The following HEPHL1 variants were observed in gnomAD, a reference collection of about 807,000 sequenced individuals.
The protein encoded by HEPHL1 is hephaestin like 1, also known as ferroxidase HEPHL1.
A neutral mutation model predicts 122.0 loss-of-function variants in HEPHL1; 123 were observed. The ratio of observed to expected loss-of-function variants is 1.01; its 90% CI spans 0.87 to 1.17. HEPHL1 has a LOEUF of 1.17. Among genes scored for constraint, HEPHL1 ranks in the 50% most tolerant of loss-of-function variants. HEPHL1 has a pLI of 0.00. For missense variants in HEPHL1, 1,452 were observed against 1,430.5 expected, an observed-to-expected ratio of 1.01 and a Z score of -0.24; for synonymous variants, 527 against 508.9, an observed-to-expected ratio of 1.04 and a Z score of -0.48.
rs147568254 is a variant in HEPHL1 at position 94,070,432 on chromosome 11, G to C, written c.1122G>C (p.Lys374Asn). The change falls in exon 6 of 20, where the codon AAG becomes AAC. Residue 374 changes from lysine to asparagine, a missense_variant. Physicochemically the swap from Lys to Asn is moderately conservative, Grantham distance 94. Coordinates refer to ENST00000315765, the MANE Select transcript of HEPHL1 (RefSeq NM_001098672.2). ...GCAAAAGTGATATTTTCTACCCCAAGATGAAGGGTCAACAGAGGCGCTACT... is the reference window on the plus strand; with the variant it reads ...GCAAAAGTGATATTTTCTACCCCAACATGAAGGGTCAACAGAGGCGCTACT... ...DNCKSDIFYP[K>N]MKGQQRRYFI... The C allele has an allele frequency of 1.4e-3, 2,250 of 1,606,676 alleles. 32 individuals carry two copies. In the African/African-American group the frequency reaches 0.027, roughly 20 times the overall value.
At chr11:94,025,326 G>A (rs1327753056) in intron 1 of HEPHL1, among the ~76,000 whole-genome samples, 3 of 152,110 alleles carry the variant, frequency 2.0e-5, no homozygotes, top group East Asian at 3.9e-4. Context: ...TGAGTTGCCT[G>A]GGGATGGTGT....
intron 1 of HEPHL1, 90 bp downstream of exon 1, chr11:94,021,628 T>C: frequency 2.0e-6 from 2 of 1,000,078 alleles, no homozygotes; most frequent in South Asian, 1.6e-5. Context: ...GTACTTACAA[T>C]GGGGGTGAGT....
chr11:94,084,038 A>T lies in HEPHL1; in HGVS notation c.1867+1470A>T, dbSNP rs114403568. Among the ~76,000 whole-genome samples the T allele has an allele frequency of 7.9e-3, 1,195 of 152,228 alleles. 20 individuals carry two copies. The highest frequency in any genetic ancestry group is 0.028 in the African/African-American group (1,154 of 41,532). ...CTACTTTCATATTTAGAAATACAAT[A>T]TATAGTCCAGGCACTGTGGCTCATG... On this transcript the variant is annotated intron_variant, in intron 10 of 19. Transcript: ENST00000315765.
chr11:94,042,735 G>T (rs1471247785), intron 1 of HEPHL1, among the ~76,000 whole-genome samples: 2 of 116,174 alleles, frequency 1.7e-5, no homozygotes, highest in Non-Finnish European at 3.5e-5. Flanking sequence ...TGGGGTGGGG[G>T]GAGGGGGTAG....
At chr11:94,082,303 G>A (rs1667648054) in intron 9 of HEPHL1, 115 bp from the exon 10 acceptor site, 3 of 634,384 alleles carry the variant, frequency 4.7e-6, no homozygotes, top group Non-Finnish European at 7.7e-6. Context: ...GAACTCTTGG[G>A]CTGATGTTGA....
chr11:94,044,764 T>G (rs922753198), intron 1 of HEPHL1, among the ~76,000 whole-genome samples: 1 of 85,066 alleles, frequency 1.2e-5, no homozygotes, highest in African/African-American at 6.0e-5. Context: ...TCTCCAAACC[T>G]TTTTTTTTTT....
intron 1 of HEPHL1, among the ~76,000 whole-genome samples, chr11:94,037,516 A>C (rs1945737493): frequency 6.6e-6 from 1 of 152,182 alleles, no homozygotes; most frequent in Non-Finnish European, 1.5e-5. Context: ...ATGCAGCTGG[A>C]GATCTGAGAA....
intron 2 of HEPHL1, among the ~76,000 whole-genome samples, chr11:94,049,829 C>T (rs901027434): frequency 1.3e-5 from 2 of 152,046 alleles, no homozygotes; most frequent in African/African-American, 4.8e-5. Context: ...TTCTTTCCCT[C>T]CATATATATA....
At chr11:94,081,124 A>G (rs1427708475) in intron 9 of HEPHL1, among the ~76,000 whole-genome samples, 2 of 152,234 alleles carry the variant, frequency 1.3e-5, no homozygotes, top group Admixed American at 6.5e-5. Flanking sequence ...ATAAAAACGA[A>G]TGAGATCATG....
At chr11:94,068,635 A>G (rs1237311198) in intron 5 of HEPHL1, among the ~76,000 whole-genome samples, 3 of 152,154 alleles carry the variant, frequency 2.0e-5, no homozygotes, top group African/African-American at 7.2e-5. Flanking sequence ...TGTGATCCTT[A>G]GCTCTTTTGG....
At chr11:94,080,303 G>A (rs1946160312) in intron 9 of HEPHL1, among the ~76,000 whole-genome samples, 1 of 152,070 alleles carries the variant, frequency 6.6e-6, no homozygotes, top group Non-Finnish European at 1.5e-5. Flanking sequence ...AACTCAAGAT[G>A]GATTAAAGAC....
chr11:94,050,563 G>A (rs1321561250), intron 2 of HEPHL1, among the ~76,000 whole-genome samples: 1 of 151,912 alleles, frequency 6.6e-6, no homozygotes, highest in Non-Finnish European at 1.5e-5. Context: ...ATATGTTTAT[G>A]GGTTGCATGA....
intron 13 of HEPHL1, among the ~76,000 whole-genome samples, chr11:94,093,971 G>GATAGATAGATAGATAGATAGATATATAT (rs71036310): frequency 1.4e-5 from 1 of 72,778 alleles, no homozygotes; most frequent in African/African-American, 4.9e-5. Context: ...TCCTCCAGCA[G>GATAGATAGATAGATAGATAGATATATAT]ATATATATAT....
At chr11:94,099,947 C>T (rs1477258626) in intron 13 of HEPHL1, among the ~76,000 whole-genome samples, 1 of 152,134 alleles carries the variant, frequency 6.6e-6, no homozygotes, top group Non-Finnish European at 1.5e-5. Flanking sequence ...ATTCCCTGAC[C>T]CCTTGTGCTT....
At chr11:94,048,673 T>G (rs2134417592) in intron 2 of HEPHL1, among the ~76,000 whole-genome samples, 1 of 152,186 alleles carries the variant, frequency 6.6e-6, no homozygotes, top group East Asian at 1.9e-4. Context: ...GTGGACAAAA[T>G]TTTGAACCCA....
At chr11:94,072,267 C>T (rs146340329) in intron 6 of HEPHL1, among the ~76,000 whole-genome samples, 10 of 152,124 alleles carry the variant, frequency 6.6e-5, no homozygotes, top group African/African-American at 2.4e-4. Flanking sequence ...TTCAGAGGTT[C>T]ATATAATGGG....
intron 1 of HEPHL1, among the ~76,000 whole-genome samples, chr11:94,023,989 T>A (rs1945603536): frequency 6.6e-6 from 1 of 152,090 alleles, no homozygotes; most frequent in African/African-American, 2.4e-5. Flanking sequence ...GACTGGGACA[T>A]AAGTGGAGTT....
At chr11:94,036,492 A>C (rs1945724682) in intron 1 of HEPHL1, among the ~76,000 whole-genome samples, 1 of 152,142 alleles carries the variant, frequency 6.6e-6, no homozygotes, top group African/African-American at 2.4e-5. Context: ...GAGTCATCTC[A>C]CAACTTTTCA....
intron 1 of HEPHL1, among the ~76,000 whole-genome samples, chr11:94,043,196 T>C (rs976584010): frequency 3.9e-5 from 6 of 152,072 alleles, no homozygotes; most frequent in Non-Finnish European, 8.8e-5. Flanking sequence ...CTTACGATGA[T>C]GAAAACAAGT....
Sources: gnomAD v4.1 joint callset for allele counts (sites outside exome capture counted in the v4.1 genomes callset) on GRCh38, gnomAD v4.1.1 for gene constraint, MANE v1.5 for transcripts, NCBI Gene and HGNC (gene_info 2026-07-23, HGNC 2026-07-21) for gene names.